Variants in ZNF280D observed in about 807,000 individuals in gnomAD.
ZNF280D encodes the protein suppressor of hairy wing homolog 4.
Under a neutral mutation model 94.7 loss-of-function variants are expected in ZNF280D, and 39 were observed. That is an observed-to-expected ratio of 0.41 (90% CI 0.32 to 0.54). ZNF280D has a LOEUF of 0.54. Among genes scored for constraint, ZNF280D ranks in the 20% least tolerant of loss-of-function variants. The probability of loss-of-function intolerance (pLI) is 0.22; values close to 1 mark genes in which losing one functional copy is unlikely to be tolerated. For synonymous variants in ZNF280D, 398 were observed against 377.6 expected, an observed-to-expected ratio of 1.05 and a Z score of -0.63; for missense variants, 1,090 against 1,149.3, an observed-to-expected ratio of 0.95 and a Z score of 0.75.
chr15:56,666,776 T>A lies in ZNF280D; in HGVS notation c.1756A>T (p.Lys586Ter). ...ATATTAGAGATTTTTGGTTTGTATT[T>A]AGATTTACTTCCATTAGGCTTACTT... is the stretch of plus-strand genomic sequence containing the variant. Reference protein sequence around the residue: ...NTSKPNGSKSKYKPKISNMQK... With the variant: ...NTSKPNGSKS Residue 586 changes from lysine (K) to a stop codon, truncating the protein, a stop_gained, in exon 15 of 22, where the codon AAA becomes TAA. Transcript: ENST00000267807. LOFTEE classifies it high-confidence loss of function. 6.2e-7 allele frequency: 1 copy of A among 1,613,830 alleles called. No homozygotes were observed. Among genetic ancestry groups the A allele is most frequent in the Non-Finnish European group, 8.5e-7 (1 of 1,179,842 alleles).
intron 13 of ZNF280D, among the ~76,000 whole-genome samples, chr15:56,671,075 A>ACCC (rs2054832301): frequency 6.6e-6 from 1 of 151,920 alleles, no homozygotes; most frequent in Admixed American, 6.6e-5. Flanking sequence ...TAGATATTAG[A>ACCC]CCTTTGTCAG....
At chr15:56,637,370 C>T (rs2052403909) in intron 20 of ZNF280D, among the ~76,000 whole-genome samples, 2 of 150,834 alleles carry the variant, frequency 1.3e-5, no homozygotes, top group African/African-American at 2.4e-5. Context: ...TTTGTAGAGA[C>T]GAAGTCTCCA....
chr15:56,714,169 T>A (rs988824715), intron 1 of ZNF280D, among the ~76,000 whole-genome samples: 2 of 152,186 alleles, frequency 1.3e-5, no homozygotes, highest in African/African-American at 2.4e-5. Context: ...ATCAGTCCAG[T>A]TGTTACTGTT....
intron 6 of ZNF280D, chr15:56,700,512 G>C: frequency 2.0e-6 from 2 of 1,015,128 alleles, no homozygotes; most frequent in Non-Finnish European, 2.4e-6. Flanking sequence ...AGGAAAAAAT[G>C]TTTGTTTTTT....
chr15:56,699,852 T>C lies in ZNF280D; in HGVS notation c.381+1081A>G, dbSNP rs147133690. 1,139 of 153,128 alleles carry C rather than the reference T, an allele frequency of 7.4e-3. 8 individuals carry two copies. Among genetic ancestry groups the C allele is most frequent in the Middle Eastern group, 0.024 (7 of 292 alleles). 9.5% of individuals were successfully genotyped at this position (153,128 alleles called of 1,614,324 possible). On this transcript the variant is annotated intron_variant, in intron 6 of 21. Transcript: ENST00000267807. ...ATAAAACTAATAACATTTTAATACT[T>C]CATCAGGGATTGGGTATAACTGGGT...
intron 19 of ZNF280D, among the ~76,000 whole-genome samples, chr15:56,647,737 C>T (rs573595402): frequency 6.6e-6 from 1 of 152,076 alleles, no homozygotes; most frequent in Admixed American, 6.5e-5. Context: ...CACCATGTTG[C>T]GCAGGCTGGT....
chr15:56,697,106 CTAAGT>C (rs2056795822), intron 6 of ZNF280D, among the ~76,000 whole-genome samples: 1 of 152,082 alleles, frequency 6.6e-6, no homozygotes. Context: ...AAAGAAACCA[CTAAGT>C]TAATTTGATT....
chr15:56,708,944 A>G (rs1387006027), intron 1 of ZNF280D, among the ~76,000 whole-genome samples: 1 of 152,176 alleles, frequency 6.6e-6, no homozygotes, highest in Non-Finnish European at 1.5e-5. Flanking sequence ...GGACCTAGGC[A>G]TGGGCAAGGA....
intron 1 of ZNF280D, among the ~76,000 whole-genome samples, chr15:56,712,521 G>C (rs557778140): frequency 7.4e-6 from 1 of 135,486 alleles, no homozygotes; most frequent in African/African-American, 2.8e-5. Context: ...CCAGCTATAA[G>C]AGGTTGAGGC....
chr15:56,684,913 C>A (rs116651138), intron 9 of ZNF280D, among the ~76,000 whole-genome samples: 5,076 of 152,044 alleles, frequency 0.033, 247 homozygotes, highest in African/African-American at 0.11. Context: ...ATTCCCAACA[C>A]CAAGTTATAT....
rs528611429 is a variant in ZNF280D, at chr15:56,630,685, T to C, written c.*813A>G. On this transcript the variant is annotated 3_prime_UTR_variant, in exon 22 of 22. Transcript: ENST00000267807. Reference sequence around the variant, plus strand: ...CATTAAAACAATATTAAAAGCATAATAGCTACAGGAGTTTCAACAATGGGT... The same window carrying C: ...CATTAAAACAATATTAAAAGCATAACAGCTACAGGAGTTTCAACAATGGGT... 2.6e-5 allele frequency: 4 copies of C among 152,130 alleles called. No individual in the cohort carries two copies. Among genetic ancestry groups the C allele is most frequent in the Non-Finnish European group, 5.9e-5 (4 of 67,996 alleles). 9.4% of individuals were successfully genotyped at this position (152,130 alleles called of 1,614,324 possible).
At chr15:56,643,328 A>G (rs1262857392) in intron 19 of ZNF280D, among the ~76,000 whole-genome samples, 1 of 151,814 alleles carries the variant, frequency 6.6e-6, no homozygotes, top group Non-Finnish European at 1.5e-5. Flanking sequence ...CAAAACAAGA[A>G]TTACTCTTTA....
chr15:56,726,336 G>A (rs1296437563), intron 1 of ZNF280D, among the ~76,000 whole-genome samples: 1 of 152,062 alleles, frequency 6.6e-6, no homozygotes, highest in Non-Finnish European at 1.5e-5. Flanking sequence ...GAGTCCAAAG[G>A]AAACTAGTTT....
At chr15:56,732,530 TTA>T (rs1474154068) in intron 1 of ZNF280D, 1 of 152,210 alleles carries the variant, frequency 6.6e-6, no homozygotes, top group African/African-American at 2.4e-5. Context: ...GCGTTCCATT[TTA>T]TGTTTCATGG....
At chr15:56,711,401 A>G (rs1480016617) in intron 1 of ZNF280D, among the ~76,000 whole-genome samples, 1 of 152,194 alleles carries the variant, frequency 6.6e-6, no homozygotes, top group Non-Finnish European at 1.5e-5. Context: ...ATGGTGGCTC[A>G]CACCTATAAT....
Position 56,631,694 on chromosome 15 carries a change from C to A in ZNF280D, c.2744G>T (p.Ser915Ile), listed in dbSNP as rs753552201. The change falls in exon 22 of 22, where the codon AGT becomes ATT. Residue 915 changes from serine (S) to isoleucine (I), a missense_variant. Physicochemically the swap from Ser to Ile is moderately radical, Grantham distance 142 (BLOSUM62 -2). Around this residue, in one of 3 missense-constraint regions of ZNF280D, gnomAD observed 577 missense variants for 568.8 expected, o/e 1.01. Transcript: ENST00000267807. ...TGGAGTCAGAGGTTCCAAATGAATA[C>A]TGCCTTGCTCGCTAACATCAGAACT... ...SVSSDVSEQGSIHLEPLTPSE... is the reference protein window; with the variant it reads ...SVSSDVSEQGIIHLEPLTPSE... 1.5e-5 allele frequency: 25 copies of A among 1,614,044 alleles called. No individual in the cohort carries two copies. The highest frequency in any genetic ancestry group is 2.1e-5 in the Non-Finnish European group (25 of 1,180,022).
At chr15:56,700,687 A>C (rs914610929) in intron 6 of ZNF280D, 1 of 1,422,112 alleles carries the variant, frequency 7.0e-7, no homozygotes, top group Non-Finnish European at 9.2e-7. Flanking sequence ...TTGATAGTAT[A>C]GTTTTCATTA....
At chr15:56,690,499 T>C (rs2056363580) in intron 7 of ZNF280D, among the ~76,000 whole-genome samples, 1 of 152,158 alleles carries the variant, frequency 6.6e-6, no homozygotes, top group African/African-American at 2.4e-5. Flanking sequence ...AATTAATGGG[T>C]TTGTTTTAGA....
intron 1 of ZNF280D, among the ~76,000 whole-genome samples, chr15:56,731,667 AATAC>A (rs1273938517): frequency 3.9e-5 from 6 of 152,154 alleles, no homozygotes; most frequent in Non-Finnish European, 8.8e-5. Context: ...TCTCTTACAA[AATAC>A]ATACTGACAC....
Sources: gnomAD v4.1 joint callset for allele counts (sites outside exome capture counted in the v4.1 genomes callset) on GRCh38, gnomAD v4.1.1 for gene constraint, gnomAD v4.1.1 regional missense constraint, MANE v1.5 for transcripts, NCBI Gene and HGNC (gene_info 2026-07-23, HGNC 2026-07-21) for gene names.